The following PTGER4 variants were observed in gnomAD, a reference collection of about 807,000 sequenced individuals.
The protein encoded by PTGER4 is prostaglandin E receptor 4.
A neutral mutation model predicts 33.2 loss-of-function variants in PTGER4; 11 were observed. That is an observed-to-expected ratio of 0.33 (90% confidence interval 0.21 to 0.55). PTGER4 has a LOEUF of 0.55. Among genes scored for constraint, PTGER4 ranks in the 20% least tolerant of loss-of-function variants. PTGER4 has a pLI of 0.92. For missense variants in PTGER4, 481 were observed against 650.2 expected, an observed-to-expected ratio of 0.74 and a Z score of 2.83; for synonymous variants, 275 against 281.5, an observed-to-expected ratio of 0.98 and a Z score of 0.23.
the PTGER4 span, among the ~76,000 whole-genome samples, chr5:40,741,795 C>T: frequency 3.9e-4 from 60 of 152,238 alleles, no homozygotes; most frequent in Admixed American, 9.2e-4. Flanking sequence ...TCAAGACCAG[C>T]CTGGCCAATA....
chr5:40,738,562 TAAAATATAAA>T, the PTGER4 span, among the ~76,000 whole-genome samples: 33 of 126,038 alleles, frequency 2.6e-4, no homozygotes, highest in African/African-American at 7.1e-4. Flanking sequence ...TAAAATAAAA[TAAAATATAAA>T]ATAAAATAAA....
Position 40,680,933 on chromosome 5 carries a change from CTCTT to C in PTGER4, c.-43-17_-43-14del. 6.5e-7 allele frequency: 1 copy of C among 1,543,436 alleles called. No individual in the cohort carries two copies. Among genetic ancestry groups the C allele is most frequent in the East Asian group, 2.3e-5 (1 of 44,358 alleles). On this transcript the variant is annotated splice_polypyrimidine_tract_variant and intron_variant, in intron 1 of 2. Transcript: ENST00000302472. This position sits in a 1 kb window ranked among gnomAD's most constrained non-coding sequence, Gnocchi z 5.5. ...ATTTCCGCTCACGGCAGCTTTGTCT[CTCTT>C]CTACCATCCCCAGACCCAGCCTTGC...
the PTGER4 span, among the ~76,000 whole-genome samples, chr5:40,744,266 G>A: frequency 1.3e-5 from 2 of 152,094 alleles, no homozygotes; most frequent in Non-Finnish European, 2.9e-5. Context: ...AGCTAGTTAA[G>A]TTAATTGATC....
At chr5:40,706,818 C>A in the PTGER4 span, among the ~76,000 whole-genome samples, 6 of 152,132 alleles carry the variant, frequency 3.9e-5, no homozygotes, top group Non-Finnish European at 7.4e-5. Context: ...CTATCAGACT[C>A]ACAGCTGATC....
At chr5:40,734,124 A>G in the PTGER4 span, among the ~76,000 whole-genome samples, 3 of 152,194 alleles carry the variant, frequency 2.0e-5, no homozygotes, top group Non-Finnish European at 2.9e-5. Context: ...AATGGTGGGT[A>G]TTTACTTCAC....
At chr5:40,709,273 T>C in the PTGER4 span, among the ~76,000 whole-genome samples, 1 of 152,160 alleles carries the variant, frequency 6.6e-6, no homozygotes, top group Non-Finnish European at 1.5e-5. Context: ...TAATTGTATA[T>C]CTAGAAAACC....
chr5:40,744,487 G>GA, the PTGER4 span, among the ~76,000 whole-genome samples: 3 of 136,414 alleles, frequency 2.2e-5, no homozygotes, highest in South Asian at 4.6e-4. Flanking sequence ...ACTCTTACCA[G>GA]TTTTTTTTTT....
At chr5:40,729,418 C>G in the PTGER4 span, among the ~76,000 whole-genome samples, 5 of 152,292 alleles carry the variant, frequency 3.3e-5, no homozygotes, top group Admixed American at 6.5e-5. Flanking sequence ...CTTGGATAAC[C>G]TATTCAAGTG....
the PTGER4 span, among the ~76,000 whole-genome samples, chr5:40,713,934 C>T: frequency 6.6e-6 from 1 of 152,138 alleles, no homozygotes; most frequent in Non-Finnish European, 1.5e-5. Context: ...CTAAAATAAG[C>T]ATTTTGAGGG....
the PTGER4 span, among the ~76,000 whole-genome samples, chr5:40,718,283 G>A: frequency 2.6e-5 from 4 of 152,106 alleles, no homozygotes; most frequent in Non-Finnish European, 5.9e-5. Flanking sequence ...GGTGGTGCCT[G>A]TAATCCCAGC....
At position 40,693,225 on chromosome 5, in the gene PTGER4, T is replaced by C; in HGVS notation, c.*847T>C. ...TAACATGCTGGTGAATATTTTCAACTTTTTCCCTCACTAATTGGTACTTTT... is the reference window on the plus strand; with the variant it reads ...TAACATGCTGGTGAATATTTTCAACCTTTTCCCTCACTAATTGGTACTTTT... On this transcript the variant is annotated 3_prime_UTR_variant, in exon 3 of 3. Coordinates refer to ENST00000302472, the MANE Select transcript of PTGER4 (RefSeq NM_000958.3). The C allele has an allele frequency of 1.0e-6, 1 of 984,202 alleles. No individual in the cohort carries two copies. The highest frequency in any genetic ancestry group is 1.2e-6 in the Non-Finnish European group (1 of 828,446). The allele number at this position is 984,202 out of a possible 1,614,324, so 61.0% of individuals were successfully genotyped here.
chr5:40,722,500 G>A, the PTGER4 span, among the ~76,000 whole-genome samples: 1 of 150,304 alleles, frequency 6.7e-6, no homozygotes, highest in Non-Finnish European at 1.5e-5. Flanking sequence ...GGGATGTGGG[G>A]AGCGCCTCTG....
the PTGER4 span, chr5:40,728,503 C>T: frequency 6.4e-7 from 1 of 1,570,126 alleles, no homozygotes; most frequent in East Asian, 2.3e-5. Context: ...ACCAAAAAAT[C>T]TGTCAGTAAT....
chr5:40,706,496 ATAACT>A, the PTGER4 span, among the ~76,000 whole-genome samples: 15 of 152,138 alleles, frequency 9.9e-5, no homozygotes, highest in Middle Eastern at 3.2e-3. Context: ...AAAAAGTAAA[ATAACT>A]TAAGCTTAAA....
chr5:40,731,854 C>T, the PTGER4 span, among the ~76,000 whole-genome samples: 1 of 152,188 alleles, frequency 6.6e-6, no homozygotes, highest in Non-Finnish European at 1.5e-5. Flanking sequence ...GTGGCTCTAG[C>T]CCACTAACTA....
At chr5:40,728,211 G>T in the PTGER4 span, 1 of 618,416 alleles carries the variant, frequency 1.6e-6, no homozygotes, top group African/African-American at 2.0e-5. Flanking sequence ...TTGAACCCAG[G>T]AGGCGGAGGT....
At chr5:40,738,568 A>ATAAAG in the PTGER4 span, among the ~76,000 whole-genome samples, 1 of 24,936 alleles carries the variant, frequency 4.0e-5, no homozygotes, top group Non-Finnish European at 9.2e-5. Flanking sequence ...AAAATAAAAT[A>ATAAAG]TAAAATAAAA....
chr5:40,741,674 G>C, the PTGER4 span, among the ~76,000 whole-genome samples: 35 of 152,184 alleles, frequency 2.3e-4, 1 homozygote, highest in African/African-American at 7.2e-4. Context: ...CCATTCCCTG[G>C]AGACTACCTT....
rs1386963506 is a variant in PTGER4, at chr5:40,683,281, G to A, written c.867+1421G>A. 6.6e-6 allele frequency among the ~76,000 whole-genome samples: 1 copy of A among 152,144 alleles called. No homozygotes were observed. Among genetic ancestry groups the A allele is most frequent in the South Asian group, 2.1e-4 (1 of 4,832 alleles). On this transcript the variant is annotated intron_variant, in intron 2 of 2. Transcript: ENST00000302472. This position sits in a 1 kb window ranked among gnomAD's most constrained non-coding sequence, Gnocchi z 4.2. ...TGTAAATGGAAGGAACTTAGAGGGG[G>A]CTCAGAGCCAGAATACAGTAGGTTC...
Sources: gnomAD v4.1 joint callset for allele counts (sites outside exome capture counted in the v4.1 genomes callset) on GRCh38, gnomAD v4.1.1 for gene constraint, Gnocchi (gnomAD v3.1) non-coding constraint, MANE v1.5 for transcripts, NCBI Gene and HGNC (gene_info 2026-07-23, HGNC 2026-07-21) for gene names.